Variants in MED13L observed in about 807,000 individuals in gnomAD.
The protein encoded by MED13L is mediator complex subunit 13L, also known as mediator of RNA polymerase II transcription subunit 13-like.
Under a neutral mutation model 220.9 loss-of-function variants are expected in MED13L, and 7 were observed. That is an observed-to-expected ratio of 0.03 (90% CI 0.02 to 0.06). MED13L has a LOEUF of 0.06. MED13L is among the 10% of genes least tolerant of loss of function. MED13L has a pLI of 1.00. For synonymous variants in MED13L, 1,011 were observed against 1,015.2 expected (o/e 1.00, Z 0.08); for missense variants, 1,965 against 2,760.5 (o/e 0.71, Z 6.46).
chr12:116,096,354 C>CAAAAAAAAAA lies in MED13L; in HGVS notation c.479+305_479+314dup, dbSNP rs537207957. Among the ~76,000 whole-genome samples the CAAAAAAAAAA allele has an allele frequency of 6.6e-3, 156 of 23,550 alleles. 13 individuals carry two copies. Among genetic ancestry groups the CAAAAAAAAAA allele is most frequent in the African/African-American group, 0.015 (115 of 7,682 alleles). The allele number at this position is 23,550 out of a possible 152,430, so 15.4% of individuals were successfully genotyped here. A position where few individuals can be genotyped will look rare whatever the true frequency, so the allele number is the denominator to read the frequency against. On this transcript the variant is annotated intron_variant, in intron 4 of 30. Transcript: ENST00000281928. ...TGGGTGACAGAGTGAGACACAGCCT[C>CAAAAAAAAAA]AAAAAAAAAAAAAAAAAAAAAAAAA...
At chr12:116,276,123 C>T (rs1873792950) in intron 1 of MED13L, among the ~76,000 whole-genome samples, 1 of 152,176 alleles carries the variant, frequency 6.6e-6, no homozygotes, top group African/African-American at 2.4e-5. Context: ...TTTTTAATTT[C>T]GATGAATCTA....
chr12:115,961,155 G>T lies in MED13L; in HGVS notation c.*111C>A. 2 of 1,381,394 alleles carry T rather than the reference G, an allele frequency of 1.4e-6. No homozygotes were observed. The highest frequency in any genetic ancestry group is 2.0e-6 in the Non-Finnish European group (2 of 975,906). 85.6% of individuals were successfully genotyped at this position (1,381,394 alleles called of 1,614,324 possible). A position where few individuals can be genotyped will look rare whatever the true frequency, so the allele number is the denominator to read the frequency against. The stretch of plus-strand genomic sequence containing the variant: ...AGAAGGAATCACAGTGCAGGACTGT[G>T]GAGAGTGGTCTGAAGAAAAGGATGT... On this transcript the variant is annotated 3_prime_UTR_variant, in exon 31 of 31. Coordinates refer to ENST00000281928, the MANE Select transcript of MED13L (RefSeq NM_015335.5).
chr12:116,090,997 T>A (rs1872149959), intron 4 of MED13L, among the ~76,000 whole-genome samples: 1 of 151,738 alleles, frequency 6.6e-6, no homozygotes, highest in African/African-American at 2.4e-5. Context: ...TGGTGATGCA[T>A]GCCTGTGATC....
chr12:116,168,148 CAAAG>C (rs992634627), intron 2 of MED13L, among the ~76,000 whole-genome samples: 21 of 151,854 alleles, frequency 1.4e-4, no homozygotes, highest in Admixed American at 9.2e-4. Context: ...AAGTATGAAA[CAAAG>C]AGTCACATGA....
At chr12:116,029,081 T>C (rs1592963397) in intron 4 of MED13L, among the ~76,000 whole-genome samples, 1 of 151,968 alleles carries the variant, frequency 6.6e-6, no homozygotes, top group Non-Finnish European at 1.5e-5. Flanking sequence ...ATAAATAAAA[T>C]GATAAAAAAT....
chr12:116,142,812 G>A (rs1394335686), intron 2 of MED13L, among the ~76,000 whole-genome samples: 1 of 152,146 alleles, frequency 6.6e-6, no homozygotes, highest in Non-Finnish European at 1.5e-5. Context: ...TAAAAGCAAT[G>A]TTAAGTCAAA....
intron 26 of MED13L, among the ~76,000 whole-genome samples, chr12:115,971,576 T>C (rs1029450883): frequency 1.3e-5 from 2 of 152,216 alleles, no homozygotes; most frequent in Non-Finnish European, 2.9e-5. Flanking sequence ...AAATGACACC[T>C]ACATCTATTG....
At chr12:116,007,018 A>G in intron 11 of MED13L, 1 of 289,064 alleles carries the variant, frequency 3.5e-6, no homozygotes, top group Non-Finnish European at 6.7e-6. Context: ...TCAGCACAGT[A>G]AGGATAAGAA....
At chr12:116,267,013 G>T (rs946579851) in intron 1 of MED13L, among the ~76,000 whole-genome samples, 1 of 152,182 alleles carries the variant, frequency 6.6e-6, no homozygotes, top group African/African-American at 2.4e-5. Context: ...TCTTTAAGAA[G>T]AAAAATATAT....
rs762889504 is a variant in MED13L, at chr12:115,997,246, A to G, written c.2570-16T>C. 3.1e-6 allele frequency: 5 copies of G among 1,610,066 alleles called. No homozygotes were observed. The highest frequency in any genetic ancestry group is 2.5e-6 in the Non-Finnish European group (3 of 1,177,022). ...TCTGCAACTGCTAAAAATAAGAAATAAAAAAAATTTGTTTAATAGGAAGGG... is the reference window on the plus strand; with the variant it reads ...TCTGCAACTGCTAAAAATAAGAAATGAAAAAAATTTGTTTAATAGGAAGGG... On this transcript the variant is annotated splice_polypyrimidine_tract_variant and intron_variant, in intron 14 of 30. Coordinates refer to ENST00000281928, the MANE Select transcript of MED13L (RefSeq NM_015335.5).
At chr12:116,117,581 C>T (rs1046240147) in intron 2 of MED13L, among the ~76,000 whole-genome samples, 6 of 151,708 alleles carry the variant, frequency 4.0e-5, no homozygotes, top group African/African-American at 1.2e-4. Flanking sequence ...AGGACTCCTA[C>T]TCTAAATTTA....
At chr12:116,002,931 C>T in intron 14 of MED13L, 72 bp downstream of exon 14, 1 of 1,198,516 alleles carries the variant, frequency 8.3e-7, no homozygotes, top group Non-Finnish European at 1.2e-6. Flanking sequence ...TAAAGCACCA[C>T]TAAGTATGAG....
chr12:116,220,210 A>G (rs1272078584), intron 2 of MED13L, among the ~76,000 whole-genome samples: 1 of 152,186 alleles, frequency 6.6e-6, no homozygotes, highest in Non-Finnish European at 1.5e-5. Flanking sequence ...TTTTCACAAA[A>G]CATACCAAAT....
At chr12:115,982,779 G>C (rs77019442) in intron 21 of MED13L, among the ~76,000 whole-genome samples, 176 bp from the exon 22 acceptor site, 93 of 152,266 alleles carry the variant, frequency 6.1e-4, no homozygotes, top group Admixed American at 9.2e-4. Flanking sequence ...AGAGAGCATC[G>C]AGGGCAGATG....
At chr12:116,037,338 C>A (rs1881251913) in intron 4 of MED13L, among the ~76,000 whole-genome samples, 1 of 152,130 alleles carries the variant, frequency 6.6e-6, no homozygotes, top group African/African-American at 2.4e-5. Flanking sequence ...TTGTTTTATG[C>A]ACAAAAATAT....
At chr12:115,964,599 T>C (rs143366104) in intron 29 of MED13L, among the ~76,000 whole-genome samples, 49 of 152,308 alleles carry the variant, frequency 3.2e-4, no homozygotes, top group African/African-American at 1.2e-3. Flanking sequence ...TTTTGTTTGT[T>C]TTCCAACACA....
intron 1 of MED13L, 68 bp downstream of exon 1, chr12:116,276,992 C>T: frequency 1.3e-6 from 2 of 1,493,750 alleles, no homozygotes; most frequent in South Asian, 1.2e-5. Context: ...GAAAGTTGGT[C>T]GGCGGCGGAG....
At chr12:116,012,954 G>C (rs1039095571) in intron 8 of MED13L, 53 bp from the exon 9 acceptor site, 2 of 1,319,402 alleles carry the variant, frequency 1.5e-6, no homozygotes, top group African/African-American at 1.5e-5. Flanking sequence ...CATACCCCTG[G>C]GGAGAAAAAT....
chr12:116,200,435 T>C (rs1196568192), intron 2 of MED13L, among the ~76,000 whole-genome samples: 1 of 152,200 alleles, frequency 6.6e-6, no homozygotes, highest in Non-Finnish European at 1.5e-5. Flanking sequence ...CAAAATAATT[T>C]GAAACTTCAA....
Sources: allele counts gnomAD v4.1 joint callset (sites outside exome capture counted in the v4.1 genomes callset), GRCh38; gene constraint gnomAD v4.1.1; transcripts MANE v1.5; gene names NCBI Gene and HGNC (gene_info 2026-07-23, HGNC 2026-07-21).